NIPAL3: variants seen among roughly 807,000 people sequenced by gnomAD.
NIPAL3 encodes the protein NIPA like domain containing 3, also known as NIPA-like protein 3.
Under a neutral mutation model 47.2 loss-of-function variants are expected in NIPAL3, and 41 were observed. The ratio of observed to expected loss-of-function variants is 0.87; its 90% CI spans 0.68 to 1.13. The LOEUF (loss-of-function observed/expected upper bound fraction) is 1.13, where lower values mean the gene tolerates loss of function less well. NIPAL3 is among the 50% of genes most tolerant of loss of function. The probability of loss-of-function intolerance (pLI) is 0.00; values close to 1 mark genes in which losing one functional copy is unlikely to be tolerated. For missense variants in NIPAL3, 449 were observed against 530.1 expected (o/e 0.85, Z 1.50); for synonymous variants, 194 against 209.6 (o/e 0.93, Z 0.64).
In NIPAL3 at chr1:24,453,471, A is replaced by G. The variant is rs776941084; in HGVS notation, c.604A>G (p.Ile202Val). The G allele has an allele frequency of 1.9e-6, 3 of 1,612,400 alleles. No individual in the cohort carries two copies. Among genetic ancestry groups the G allele is most frequent in the South Asian group, 2.2e-5 (2 of 90,924 alleles). Reference protein sequence around the residue: ...YFYKEKNANNIVVILLLVALL... With the variant: ...YFYKEKNANNVVVILLLVALL... The stretch of plus-strand genomic sequence containing the variant: ...CTACAAGGAGAAGAACGCCAACAAC[A>G]TTGTCGTGATTCTTCTCTTGGTGGC... Residue 202 changes from isoleucine to valine, a missense_variant, in exon 7 of 12, where the codon ATT (isoleucine) becomes GTT (valine). By Grantham distance (29) the Ile-to-Val change is conservative (BLOSUM62 3). Coordinates refer to ENST00000374399, the MANE Select transcript of NIPAL3 (RefSeq NM_020448.5).
At chr1:24,453,539 C>T (rs1646045510) in intron 7 of NIPAL3, 35 bp downstream of exon 7, 2 of 1,478,408 alleles carry the variant, frequency 1.4e-6, no homozygotes, top group Admixed American at 1.8e-5. Flanking sequence ...GTTTTGCCAC[C>T]ACCAAGAAGC....
At position 24,453,405 on chromosome 1, in the gene NIPAL3, C is replaced by T. The variant is rs773097761; in HGVS notation, c.541-3C>T. 5 of 1,612,402 alleles carry T rather than the reference C, an allele frequency of 3.1e-6. No individual in the cohort carries two copies. The highest frequency in any genetic ancestry group is 4.2e-6 in the Non-Finnish European group (5 of 1,178,832). ...TGACCCCCCTGCTTGCTGCCTTCCA[C>T]AGCTGGTGGAGATCATTCTGTTCTG... On this transcript the variant is annotated splice_region_variant and splice_polypyrimidine_tract_variant and intron_variant, in intron 6 of 11. Transcript: ENST00000374399.
Position 24,419,387 on chromosome 1 carries a change from A to T in NIPAL3, c.-161A>T. ...GAGTGAAGCTGAGGAGAAGGCTGTA[A>T]ATCTGCCAAAACAGCCTTGAAGTAT... On this transcript the variant is annotated 5_prime_UTR_variant, in exon 2 of 12. Transcript: ENST00000374399. 1 of 1,335,062 alleles carries T rather than the reference A, an allele frequency of 7.5e-7. No homozygotes were observed. The highest frequency in any genetic ancestry group is 9.6e-7 in the Non-Finnish European group (1 of 1,045,050). 82.7% of individuals were successfully genotyped at this position (1,335,062 alleles called of 1,614,324 possible). A position where few individuals can be genotyped will look rare whatever the true frequency, so the allele number is the denominator to read the frequency against.
chr1:24,436,617 T>A (rs1210915631), intron 2 of NIPAL3, among the ~76,000 whole-genome samples: 2 of 151,756 alleles, frequency 1.3e-5, no homozygotes, highest in Admixed American at 1.3e-4. Flanking sequence ...GCCTCCTGAG[T>A]AGCTGGGATT....
intron 9 of NIPAL3, 83 bp from the exon 10 acceptor site, chr1:24,460,398 G>A: frequency 8.9e-7 from 1 of 1,125,672 alleles, no homozygotes; most frequent in Non-Finnish European, 1.3e-6. Context: ...AAATGGAAGA[G>A]AGCTTAGCCA....
At chr1:24,453,961 A>C (rs560546573) in intron 7 of NIPAL3, 2 of 436,128 alleles carry the variant, frequency 4.6e-6, no homozygotes, top group Admixed American at 5.6e-5. Context: ...TTTTCCTTTT[A>C]GAGGGATGGG....
intron 2 of NIPAL3, among the ~76,000 whole-genome samples, chr1:24,427,794 G>A (rs573985486): frequency 6.6e-6 from 1 of 152,186 alleles, no homozygotes; most frequent in Non-Finnish European, 1.5e-5. Flanking sequence ...TATTATCATA[G>A]TAACTATCGG....
chr1:24,452,379 G>A (rs191030103), intron 6 of NIPAL3, among the ~76,000 whole-genome samples: 33 of 152,324 alleles, frequency 2.2e-4, no homozygotes, highest in East Asian at 1.2e-3. Context: ...CCACGCCATC[G>A]TGGTAGTACC....
chr1:24,468,758 G>A (rs1646802716), intron 11 of NIPAL3, among the ~76,000 whole-genome samples: 1 of 152,190 alleles, frequency 6.6e-6, no homozygotes, highest in African/African-American at 2.4e-5. Flanking sequence ...ACAGCAGCTG[G>A]TCTGTGTGCA....
At position 24,445,493 on chromosome 1, in the gene NIPAL3, C is replaced by T. The variant is rs145570848; in HGVS notation, c.394+249C>T. On this transcript the variant is annotated intron_variant, in intron 5 of 11. Transcript: ENST00000374399. The stretch of plus-strand genomic sequence containing the variant: ...TCCACCCCATTGGATCAATTTTGAG[C>T]ATCTATTATTGGGATTTTAGGAGGC... Among the ~76,000 whole-genome samples the T allele has an allele frequency of 4.5e-3, 678 of 152,234 alleles. 7 individuals are homozygous for T. Among genetic ancestry groups the T allele is most frequent in the African/African-American group, 0.015 (613 of 41,556 alleles).
At chr1:24,448,339 T>C (rs1317735956) in intron 5 of NIPAL3, among the ~76,000 whole-genome samples, 1 of 151,948 alleles carries the variant, frequency 6.6e-6, no homozygotes, top group Non-Finnish European at 1.5e-5. Context: ...TCAATAGGAG[T>C]GTGACAAGAC....
chr1:24,471,964 T>A lies in NIPAL3; in HGVS notation c.*2779T>A, dbSNP rs575336594. 1 of 151,330 alleles carries A rather than the reference T, an allele frequency of 6.6e-6. No homozygotes were observed. The highest frequency in any genetic ancestry group is 2.1e-4 in the South Asian group (1 of 4,776). 9.4% of individuals were successfully genotyped at this position (151,330 alleles called of 1,614,324 possible). On this transcript the variant is annotated 3_prime_UTR_variant, in exon 12 of 12. Coordinates refer to ENST00000374399, the MANE Select transcript of NIPAL3 (RefSeq NM_020448.5). ...CAAACCCGGGTGATCATTAATAATT[T>A]GGGCATATATATGCTCCCAAACTTA... is the stretch of plus-strand genomic sequence containing the variant.
At chr1:24,432,073 G>A (rs1243026378) in intron 2 of NIPAL3, among the ~76,000 whole-genome samples, 1 of 152,164 alleles carries the variant, frequency 6.6e-6, no homozygotes, top group African/African-American at 2.4e-5. Context: ...GAAGGAACAA[G>A]TGACTGGAGT....
Position 24,462,983 on chromosome 1 carries a change from TAAAATACAAAATACTA to T in NIPAL3, c.927-1028_927-1013del, listed in dbSNP as rs200414688. Among the ~76,000 whole-genome samples, 1,421 of 152,016 alleles carry T rather than the reference TAAAATACAAAATACTA, an allele frequency of 9.3e-3. 22 individuals are homozygous for T. Among genetic ancestry groups the T allele is most frequent in the African/African-American group, 0.03 (1,250 of 41,440 alleles). ...CAAAATACAAAAATACTAAAAATAC[TAAAATACAAAATACTA>T]AAAATACAAAATACAAAATTTTGTA... On this transcript the variant is annotated intron_variant, in intron 10 of 11. Coordinates refer to ENST00000374399, the MANE Select transcript of NIPAL3 (RefSeq NM_020448.5).
intron 2 of NIPAL3, among the ~76,000 whole-genome samples, chr1:24,423,606 G>A (rs1215935056): frequency 6.6e-6 from 1 of 152,128 alleles, no homozygotes; most frequent in Non-Finnish European, 1.5e-5. Context: ...CTCCAGCCTG[G>A]GGGACAGATC....
intron 2 of NIPAL3, chr1:24,420,225 G>GT (rs1451455199): frequency 6.6e-6 from 1 of 152,310 alleles, no homozygotes; most frequent in East Asian, 1.9e-4. Context: ...CTCTGGGCCA[G>GT]TTGTGGTGGC....
intron 11 of NIPAL3, among the ~76,000 whole-genome samples, chr1:24,468,314 CAATAAATAAATA>C (rs71032817): frequency 6.6e-6 from 1 of 151,732 alleles, no homozygotes; most frequent in Non-Finnish European, 1.5e-5. Context: ...GACCCTGTCT[CAATAAATAAATA>C]AATAAATAAA....
rs769875464 is a variant in NIPAL3, at chr1:24,466,077, G to C, written c.1021+1957G>C. The C allele has an allele frequency of 1.9e-4, 312 of 1,611,688 alleles. 1 individual carries two copies. Among genetic ancestry groups the C allele is most frequent in the Non-Finnish European group, 1.1e-4 (135 of 1,179,388 alleles). Reference sequence around the variant, plus strand: ...CCAGAAATTTACCACATCACAATTTGGAGAGCCTTTGAGTAATTCAAGCAC... The same window carrying C: ...CCAGAAATTTACCACATCACAATTTCGAGAGCCTTTGAGTAATTCAAGCAC... On this transcript the variant is annotated intron_variant, in intron 11 of 11. Transcript: ENST00000374399.
At chr1:24,429,407 TG>T (rs1331048256) in intron 2 of NIPAL3, among the ~76,000 whole-genome samples, 1 of 152,226 alleles carries the variant, frequency 6.6e-6, no homozygotes, top group East Asian at 1.9e-4. Context: ...TACTGTTAAC[TG>T]AAGCCCTTGG....
Sources: gnomAD v4.1 joint callset for allele counts (sites outside exome capture counted in the v4.1 genomes callset) on GRCh38, gnomAD v4.1.1 for gene constraint, MANE v1.5 for transcripts, NCBI Gene and HGNC (gene_info 2026-07-23, HGNC 2026-07-21) for gene names.